Variants in PLXDC2 observed in about 807,000 individuals in gnomAD.
PLXDC2 encodes the protein plexin domain containing 2.
A neutral mutation model predicts 68.9 loss-of-function variants in PLXDC2; 40 were observed. The ratio of observed to expected loss-of-function variants is 0.58; its 90% CI spans 0.45 to 0.76. The LOEUF (loss-of-function observed/expected upper bound fraction) is 0.76. Ranked by LOEUF, PLXDC2 falls within the 30% of genes least tolerant of loss-of-function variation. PLXDC2 has a pLI of 0.00. For missense variants in PLXDC2, 644 were observed against 661.9 expected, an observed-to-expected ratio of 0.97 and a Z score of 0.30; for synonymous variants, 243 against 234.2, an observed-to-expected ratio of 1.04 and a Z score of -0.34.
intron 9 of PLXDC2, among the ~76,000 whole-genome samples, chr10:20,185,685 G>A (rs1023545737): frequency 6.6e-6 from 1 of 151,856 alleles, no homozygotes; most frequent in African/African-American, 2.4e-5. Context: ...TATGGTCTAA[G>A]TTCATATTTG....
chr10:20,051,060 A>G (rs528500201), intron 3 of PLXDC2, among the ~76,000 whole-genome samples: 7 of 152,252 alleles, frequency 4.6e-5, no homozygotes, highest in Admixed American at 4.6e-4. Flanking sequence ...AGCCATATAA[A>G]AAGAACAAGA....
At chr10:20,271,559 C>T (rs991254805) in intron 13 of PLXDC2, among the ~76,000 whole-genome samples, 7 of 152,080 alleles carry the variant, frequency 4.6e-5, no homozygotes, top group Admixed American at 4.6e-4. Context: ...TGACTTTTTT[C>T]TCCACTAGTT....
intron 3 of PLXDC2, among the ~76,000 whole-genome samples, chr10:20,048,079 G>A (rs1478011823): frequency 3.9e-5 from 6 of 152,028 alleles, no homozygotes; most frequent in Admixed American, 3.3e-4. Flanking sequence ...CAACTTTAAC[G>A]TTTCAAGTGC....
chr10:19,988,971 C>G (rs966626667), intron 1 of PLXDC2, among the ~76,000 whole-genome samples: 8 of 151,082 alleles, frequency 5.3e-5, no homozygotes, highest in East Asian at 1.9e-4. Flanking sequence ...AAATTTTGTA[C>G]TTTTAGTAGA....
chr10:19,986,274 G>A (rs1260721072), intron 1 of PLXDC2, among the ~76,000 whole-genome samples: 2 of 152,038 alleles, frequency 1.3e-5, no homozygotes, highest in East Asian at 1.9e-4. Context: ...AAATACAGTC[G>A]AGTTAGGATT....
At chr10:19,842,594 T>C (rs1836930429) in intron 1 of PLXDC2, among the ~76,000 whole-genome samples, 1 of 152,166 alleles carries the variant, frequency 6.6e-6, no homozygotes. Context: ...AATGAACATC[T>C]TTATAAGTAA....
intron 1 of PLXDC2, among the ~76,000 whole-genome samples, chr10:19,968,674 TGCAG>T (rs1252247309): frequency 1.3e-5 from 2 of 152,290 alleles, no homozygotes; most frequent in Admixed American, 6.5e-5. Flanking sequence ...TCAGCAACTG[TGCAG>T]GGTTGTGATA....
intron 1 of PLXDC2, among the ~76,000 whole-genome samples, chr10:19,877,216 G>C (rs1837647665): frequency 6.6e-6 from 1 of 151,832 alleles, no homozygotes; most frequent in South Asian, 2.1e-4. Context: ...GGGAGTTGAA[G>C]GGAGATAGAA....
chr10:20,149,264 G>A (rs779033109), intron 6 of PLXDC2, among the ~76,000 whole-genome samples: 22 of 33,694 alleles, frequency 6.5e-4, no homozygotes, highest in Non-Finnish European at 1.1e-3. Context: ...TTGAGTTGGA[G>A]TTTCACTCTT....
intron 4 of PLXDC2, among the ~76,000 whole-genome samples, chr10:20,086,224 G>A (rs1833192052): frequency 6.6e-6 from 1 of 152,042 alleles, no homozygotes; most frequent in Non-Finnish European, 1.5e-5. Flanking sequence ...CAGTGGGGTG[G>A]TCACAGCTCA....
At chr10:19,990,102 T>C (rs1834722267) in intron 1 of PLXDC2, among the ~76,000 whole-genome samples, 2 of 152,110 alleles carry the variant, frequency 1.3e-5, no homozygotes, top group Admixed American at 6.6e-5. Context: ...ATTTTTTTTT[T>C]ATTTATACAA....
At chr10:19,823,577 G>T (rs750005308) in intron 1 of PLXDC2, among the ~76,000 whole-genome samples, 23 of 151,984 alleles carry the variant, frequency 1.5e-4, no homozygotes, top group Non-Finnish European at 3.1e-4. Flanking sequence ...CAGCTACTCA[G>T]GAGGCTGAGG....
intron 6 of PLXDC2, among the ~76,000 whole-genome samples, chr10:20,162,079 G>GA (rs1834306175): frequency 3.5e-5 from 3 of 86,632 alleles, no homozygotes; most frequent in South Asian, 4.1e-4. Flanking sequence ...AGAGAAGGAA[G>GA]GAAGGAAGGA....
intron 1 of PLXDC2, among the ~76,000 whole-genome samples, chr10:20,000,181 G>A (rs1834910286): frequency 6.6e-6 from 1 of 152,088 alleles, no homozygotes; most frequent in Non-Finnish European, 1.5e-5. Flanking sequence ...CTACAGTGAC[G>A]ATGACAATAC....
chr10:20,134,078 C>T (rs903468646), intron 4 of PLXDC2, among the ~76,000 whole-genome samples: 5 of 151,968 alleles, frequency 3.3e-5, no homozygotes, highest in Non-Finnish European at 7.4e-5. Context: ...TAGTTTCTGT[C>T]TCTTTGTTAA....
At position 19,908,337 on chromosome 10, in the gene PLXDC2, A is replaced by G. The variant is rs553698976; in HGVS notation, c.112+91146A>G. On this transcript the variant is annotated intron_variant, in intron 1 of 13. Coordinates refer to ENST00000377252, the MANE Select transcript of PLXDC2 (RefSeq NM_032812.9). ...CTGCAATATTTTGATCTATTTCTCT[A>G]CATTGAGTGAGTTGGGATTACAATT... Among the ~76,000 whole-genome samples the G allele has an allele frequency of 7.2e-5, 11 of 152,314 alleles. No individual in the cohort carries two copies. In the East Asian group the frequency reaches 1.9e-3, roughly 27 times the overall value.
rs542891566 is a variant in PLXDC2, at chr10:20,243,136, A to T, written c.1313-2209A>T. 4.6e-5 allele frequency among the ~76,000 whole-genome samples: 7 copies of T among 152,302 alleles called. No individual in the cohort carries two copies. The South Asian group carries it at 1.4e-3, about 32-fold the overall frequency. ...AATAAGAGGAAATAGCAGGACCTACAGCCCAGTGTTCATTGAGGAGGTATT... is the reference window on the plus strand; with the variant it reads ...AATAAGAGGAAATAGCAGGACCTACTGCCCAGTGTTCATTGAGGAGGTATT... On this transcript the variant is annotated intron_variant, in intron 12 of 13. Transcript: ENST00000377252.
chr10:20,223,780 G>C (rs1835250040), intron 12 of PLXDC2, among the ~76,000 whole-genome samples: 1 of 151,986 alleles, frequency 6.6e-6, no homozygotes, highest in Non-Finnish European at 1.5e-5. Context: ...AATCCTTTCT[G>C]TGAAAATCAC....
At chr10:20,194,481 C>T (rs995586875) in intron 9 of PLXDC2, among the ~76,000 whole-genome samples, 6 of 151,672 alleles carry the variant, frequency 4.0e-5, no homozygotes, top group Non-Finnish European at 7.4e-5. Context: ...CAAGTTTGAA[C>T]GATTAGTAGA....
Sources: allele counts gnomAD v4.1 joint callset (sites outside exome capture counted in the v4.1 genomes callset), GRCh38; gene constraint gnomAD v4.1.1; transcripts MANE v1.5; gene names NCBI Gene and HGNC (gene_info 2026-07-23, HGNC 2026-07-21).